The following CAMTA1 variants were observed in gnomAD, a reference collection of about 807,000 sequenced individuals.
CAMTA1 encodes the protein calmodulin-binding transcription activator 1.
A neutral mutation model predicts 170.9 loss-of-function variants in CAMTA1; 27 were observed. The ratio of observed to expected loss-of-function variants is 0.16; its 90% CI spans 0.12 to 0.22. The LOEUF is 0.22. Among genes scored for constraint, CAMTA1 ranks in the 10% least tolerant of loss-of-function variants. The probability of loss-of-function intolerance (pLI) is 1.00; values close to 1 mark genes in which losing one functional copy is unlikely to be tolerated. For missense variants in CAMTA1, 1,619 were observed against 2,217.2 expected, an observed-to-expected ratio of 0.73 and a Z score of 5.42; for synonymous variants, 833 against 891.5, an observed-to-expected ratio of 0.93 and a Z score of 1.17.
chr1:7,493,648 G>C (rs1393831078), intron 6 of CAMTA1, among the ~76,000 whole-genome samples: 1,561 of 23,346 alleles, frequency 0.067, 13 homozygotes, highest in South Asian at 0.074. Flanking sequence ...GGAACTGGGG[G>C]GGGGGGGGGG....
chr1:7,732,802 T>G lies in CAMTA1; in HGVS notation c.3066+203T>G, dbSNP rs189362749. ...GGAAGAAGCCTTGGAATGTGGAGCT[T>G]CTCAGTTGTTTACCCCCCTAATCCT... On this transcript the variant is annotated intron_variant, in intron 12 of 22. Transcript: ENST00000303635. The surrounding 1 kb of genome is among the most constrained non-coding windows in gnomAD (Gnocchi z 4.1). Among the ~76,000 whole-genome samples the G allele has an allele frequency of 1.4e-4, 21 of 152,294 alleles. No individual in the cohort carries two copies. The highest frequency in any genetic ancestry group is 1.2e-3 in the Admixed American group (18 of 15,294).
intron 4 of CAMTA1, among the ~76,000 whole-genome samples, chr1:7,241,861 A>G (rs1429300574): frequency 6.6e-6 from 1 of 152,246 alleles, no homozygotes; most frequent in African/African-American, 2.4e-5. Flanking sequence ...AGAAGAAGAC[A>G]TAAGACATGT....
At chr1:6,973,042 G>A (rs768843083) in intron 3 of CAMTA1, among the ~76,000 whole-genome samples, 8 of 152,074 alleles carry the variant, frequency 5.3e-5, no homozygotes, top group Non-Finnish European at 7.4e-5. Flanking sequence ...AGTAGAGATG[G>A]GGTTTTGTCA....
chr1:7,272,712 A>AAAAAAAAAAAAAAAAAAAAAAG (rs1670017608), intron 5 of CAMTA1, among the ~76,000 whole-genome samples: 10 of 109,948 alleles, frequency 9.1e-5, no homozygotes, highest in Non-Finnish European at 1.4e-4. Flanking sequence ...AAAAAAAAAA[A>AAAAAAAAAAAAAAAAAAAAAAG]AAAAGAAAAG....
At chr1:7,749,830 CAG>C (rs754891100) in intron 19 of CAMTA1, 8 of 456,064 alleles carry the variant, frequency 1.8e-5, no homozygotes, top group Non-Finnish European at 3.1e-5. Flanking sequence ...ACCATTCCAC[CAG>C]AGTCACAAAC....
intron 5 of CAMTA1, among the ~76,000 whole-genome samples, chr1:7,326,717 T>C (rs1219297383): frequency 6.6e-6 from 1 of 152,180 alleles, no homozygotes; most frequent in Non-Finnish European, 1.5e-5. Context: ...GCCAGCACCT[T>C]GATTTCAGAC....
In CAMTA1 at chr1:7,736,940, C is replaced by T. The variant is rs139526435; in HGVS notation, c.3273C>T (p.His1091=). The part of the protein sequence containing the change: ...IQTLIKWRTK[H]ADSIDLELEV... ...GTGCTCTCCCTTATAGTACAAAGCACGCGGATAGCATTGACCTGGAACTGG... is the reference window on the plus strand; with the variant it reads ...GTGCTCTCCCTTATAGTACAAAGCATGCGGATAGCATTGACCTGGAACTGG... Residue 1091 remains histidine, a synonymous_variant, in exon 14 of 23, where the codon CAC becomes CAT. Coordinates refer to ENST00000303635, the MANE Select transcript of CAMTA1 (RefSeq NM_015215.4). This position sits in a 1 kb window ranked among gnomAD's most constrained non-coding sequence, Gnocchi z 4.5. 248 of 1,612,548 alleles carry T rather than the reference C, an allele frequency of 1.5e-4. No individual in the cohort carries two copies. In the African/African-American group the frequency reaches 2.5e-3, roughly 16 times the overall value.
At chr1:7,121,222 A>T (rs1229883648) in intron 4 of CAMTA1, among the ~76,000 whole-genome samples, 1 of 152,250 alleles carries the variant, frequency 6.6e-6, no homozygotes, top group Non-Finnish European at 1.5e-5. Context: ...GACTGGGTTT[A>T]AATGGAAAGG....
At chr1:7,713,428 G>A (rs2096586240) in intron 11 of CAMTA1, among the ~76,000 whole-genome samples, 2 of 152,046 alleles carry the variant, frequency 1.3e-5, no homozygotes, top group Admixed American at 6.6e-5. Context: ...ATGCCTGTAA[G>A]AACTGCCCCC....
At chr1:7,136,402 A>C (rs1026446948) in intron 4 of CAMTA1, among the ~76,000 whole-genome samples, 2 of 151,710 alleles carry the variant, frequency 1.3e-5, no homozygotes, top group Non-Finnish European at 1.5e-5. Flanking sequence ...TCTTTTACTC[A>C]AGGGCATCAC....
Position 7,762,943 on chromosome 1 carries a change from T to C in CAMTA1, c.4990-3516T>C, listed in dbSNP as rs1577508743. On this transcript the variant is annotated intron_variant, in intron 22 of 22. Coordinates refer to ENST00000303635, the MANE Select transcript of CAMTA1 (RefSeq NM_015215.4). Reference sequence around the variant, plus strand: ...AAATTTTCCAAATGCATGTTTCTTATAAAGTCTTTTAGAAAAAACAATAAA... The same window carrying C: ...AAATTTTCCAAATGCATGTTTCTTACAAAGTCTTTTAGAAAAAACAATAAA... Among the ~76,000 whole-genome samples, 3 of 152,352 alleles carry C rather than the reference T, an allele frequency of 2.0e-5. No homozygotes were observed. The East Asian group carries it at 5.8e-4, about 29-fold the overall frequency.
At chr1:6,995,295 C>CTTTTTT (rs765139922) in intron 3 of CAMTA1, among the ~76,000 whole-genome samples, 1,322 of 60,716 alleles carry the variant, frequency 0.022, 36 homozygotes, top group African/African-American at 0.032. Flanking sequence ...TTTTTCTTTT[C>CTTTTTT]TTTTTTTTTT....
chr1:7,411,488 G>T (rs1177705440), intron 5 of CAMTA1, among the ~76,000 whole-genome samples: 1 of 139,634 alleles, frequency 7.2e-6, no homozygotes, highest in Non-Finnish European at 1.5e-5. Flanking sequence ...GCAGTGAGCC[G>T]AGATTGCACC....
chr1:7,222,016 T>C (rs1406184760), intron 4 of CAMTA1, among the ~76,000 whole-genome samples: 1 of 152,122 alleles, frequency 6.6e-6, no homozygotes, highest in Non-Finnish European at 1.5e-5. Flanking sequence ...TCGTCTGAAC[T>C]GTCTGCTTTC....
intron 2 of CAMTA1, among the ~76,000 whole-genome samples, chr1:6,824,857 C>G (rs1646930967): frequency 6.6e-6 from 1 of 152,110 alleles, no homozygotes; most frequent in Non-Finnish European, 1.5e-5. Flanking sequence ...CCTGTTCACT[C>G]ACATGTCAGG....
In CAMTA1 at chr1:7,383,759, T is replaced by G. The variant is rs564612621; in HGVS notation, c.439-84071T>G. Among the ~76,000 whole-genome samples, 4 of 151,650 alleles carry G rather than the reference T, an allele frequency of 2.6e-5. No individual in the cohort carries two copies. The East Asian group carries it at 7.7e-4, about 29-fold the overall frequency. On this transcript the variant is annotated intron_variant, in intron 5 of 22. Transcript: ENST00000303635. ...CTGGTGCTGCTGATGTTGTTGAAGA[T>G]GATAAGAATGATGATGAGGAGGAGG... is the stretch of plus-strand genomic sequence containing the variant.
chr1:7,355,602 G>T (rs1021699631), intron 5 of CAMTA1, among the ~76,000 whole-genome samples: 4 of 152,142 alleles, frequency 2.6e-5, no homozygotes, highest in Non-Finnish European at 5.9e-5. Flanking sequence ...CAAGTCTTCC[G>T]CAATCCATTC....
At chr1:6,914,274 T>C (rs1680323001) in intron 3 of CAMTA1, among the ~76,000 whole-genome samples, 1 of 152,000 alleles carries the variant, frequency 6.6e-6, no homozygotes, top group African/African-American at 2.4e-5. Flanking sequence ...CCTGCTAATT[T>C]TGTATTTTTA....
At chr1:7,422,684 A>G (rs534149482) in intron 5 of CAMTA1, among the ~76,000 whole-genome samples, 2 of 152,330 alleles carry the variant, frequency 1.3e-5, no homozygotes, top group Admixed American at 6.5e-5. Flanking sequence ...CCCACAGCCA[A>G]TGGGGCCAGG....
Sources: gnomAD v4.1 joint callset for allele counts (sites outside exome capture counted in the v4.1 genomes callset) on GRCh38, gnomAD v4.1.1 for gene constraint, Gnocchi (gnomAD v3.1) non-coding constraint, MANE v1.5 for transcripts, NCBI Gene and HGNC (gene_info 2026-07-23, HGNC 2026-07-21) for gene names.